TMEFF1: variants seen among roughly 807,000 people sequenced by gnomAD.
TMEFF1 encodes the protein transmembrane protein with EGF like and two follistatin like domains 1.
In TMEFF1, 20 loss-of-function variants were observed where a neutral mutation model predicts 47.5. That is an observed-to-expected ratio of 0.42 (90% confidence interval 0.30 to 0.61). TMEFF1 has a LOEUF of 0.61. Ranked by LOEUF, TMEFF1 falls within the 20% of genes least tolerant of loss-of-function variation. The pLI is 0.19. For synonymous variants in TMEFF1, 162 were observed against 166.3 expected, an observed-to-expected ratio of 0.97 and a Z score of 0.20; for missense variants, 411 against 471.1, an observed-to-expected ratio of 0.87 and a Z score of 1.18.
At position 100,492,897 on chromosome 9, in the gene TMEFF1, T is replaced by A. The variant is rs140098948; in HGVS notation, c.197-5868T>A. 9.2e-3 allele frequency among the ~76,000 whole-genome samples: 1,397 copies of A among 152,248 alleles called. 14 individuals carry two copies. The highest frequency in any genetic ancestry group is 0.015 in the Non-Finnish European group (1,016 of 68,004). On this transcript the variant is annotated intron_variant, in intron 1 of 9. Transcript: ENST00000374879. The stretch of plus-strand genomic sequence containing the variant: ...TGGGGGATTTAACATAAACTTGGAA[T>A]CAATATATTTAGGTTCCTCTACTGA...
At chr9:100,546,117 T>C (rs1419759092) in intron 5 of TMEFF1, among the ~76,000 whole-genome samples, 1 of 152,228 alleles carries the variant, frequency 6.6e-6, no homozygotes, top group Non-Finnish European at 1.5e-5. Flanking sequence ...CAAGTATCTT[T>C]TCGGCAGCAC....
At chr9:100,576,490 C>G (rs760911169) in intron 9 of TMEFF1, 26 bp from the exon 10 acceptor site, 1 of 1,601,916 alleles carries the variant, frequency 6.2e-7, no homozygotes, top group Non-Finnish European at 8.5e-7. Context: ...CAATATTTTT[C>G]TCTCTTTCTT....
chr9:100,473,859 C>A lies in TMEFF1; in HGVS notation c.196+119C>A. On this transcript the variant is annotated intron_variant, in intron 1 of 9. Transcript: ENST00000374879. This position sits in a 1 kb window ranked among gnomAD's most constrained non-coding sequence, Gnocchi z 5.4. ...GTCGTGGGGGTCCCAGGGGTGGGCCCGAGGGTGAGCGAGGGCGGAGGGCAG... is the reference window on the plus strand; with the variant it reads ...GTCGTGGGGGTCCCAGGGGTGGGCCAGAGGGTGAGCGAGGGCGGAGGGCAG... 4 of 1,186,704 alleles carry A rather than the reference C, an allele frequency of 3.4e-6. No individual in the cohort carries two copies. Among genetic ancestry groups the A allele is most frequent in the South Asian group, 4.3e-5 (2 of 46,966 alleles). The allele number at this position is 1,186,704 out of a possible 1,614,324, so 73.5% of individuals were successfully genotyped here. A position where few individuals can be genotyped will look rare whatever the true frequency, so the allele number is the denominator to read the frequency against.
intron 8 of TMEFF1, among the ~76,000 whole-genome samples, chr9:100,561,993 T>C (rs1401930132): frequency 6.6e-6 from 1 of 152,172 alleles, no homozygotes; most frequent in Non-Finnish European, 1.5e-5. Flanking sequence ...CCAGAGAGGT[T>C]ATGTAACTTG....
intron 1 of TMEFF1, among the ~76,000 whole-genome samples, chr9:100,478,681 A>T (rs1011184046): frequency 2.2e-4 from 33 of 152,050 alleles, no homozygotes; most frequent in African/African-American, 8.0e-4. Flanking sequence ...GTTCCCAGTT[A>T]TCCAAAGAGA....
chr9:100,566,128 A>G (rs539594197), intron 8 of TMEFF1, among the ~76,000 whole-genome samples: 2 of 152,074 alleles, frequency 1.3e-5, no homozygotes, highest in East Asian at 3.9e-4. Context: ...TTTTTTTCCT[A>G]CTTCGCTGGA....
chr9:100,570,236 A>C (rs1238462611), intron 8 of TMEFF1, among the ~76,000 whole-genome samples: 2 of 152,150 alleles, frequency 1.3e-5, no homozygotes, highest in Non-Finnish European at 2.9e-5. Flanking sequence ...TGCTGCAATA[A>C]ACGTGGTAGT....
chr9:100,571,339 TA>T (rs1210177628), intron 8 of TMEFF1, among the ~76,000 whole-genome samples: 1 of 146,808 alleles, frequency 6.8e-6, no homozygotes, highest in Non-Finnish European at 1.5e-5. Context: ...AAATTGAAAA[TA>T]ACTGACATGT....
chr9:100,535,492 T>C (rs1322166106), intron 5 of TMEFF1, among the ~76,000 whole-genome samples: 1 of 152,188 alleles, frequency 6.6e-6, no homozygotes. Flanking sequence ...CTAACGGGGC[T>C]GAATGTGGTG....
rs1316365800 is a variant in TMEFF1 at position 100,501,612 on chromosome 9, A to G, written c.306+2738A>G. Among the ~76,000 whole-genome samples, 53 of 152,066 alleles carry G rather than the reference A, an allele frequency of 3.5e-4. 1 individual carries two copies. The highest frequency in any genetic ancestry group is 3.5e-3 in the Admixed American group (53 of 15,254). On this transcript the variant is annotated intron_variant, in intron 2 of 9. Coordinates refer to ENST00000374879, the MANE Select transcript of TMEFF1 (RefSeq NM_003692.5). ...CATTAACTCATAAACTCTCAAGAGA[A>G]CCTGCTGCTTTGATTTATTTATTTA...
chr9:100,542,702 C>T (rs1014553537), intron 5 of TMEFF1, among the ~76,000 whole-genome samples: 28 of 152,144 alleles, frequency 1.8e-4, no homozygotes, highest in African/African-American at 6.8e-4. Flanking sequence ...TTCTTTTTCT[C>T]ATTATAAAAT....
intron 1 of TMEFF1, among the ~76,000 whole-genome samples, chr9:100,495,772 A>AACTCTAGCAC (rs1436030107): frequency 6.6e-6 from 1 of 152,172 alleles, no homozygotes; most frequent in East Asian, 1.9e-4. Flanking sequence ...ATGATATAGG[A>AACTCTAGCAC]CCTCTAGCAC....
At chr9:100,541,303 T>A (rs374757780) in intron 5 of TMEFF1, among the ~76,000 whole-genome samples, 14 of 152,036 alleles carry the variant, frequency 9.2e-5, no homozygotes, top group African/African-American at 3.4e-4. Flanking sequence ...TATGAGTTGC[T>A]GAGAGAGGTG....
intron 7 of TMEFF1, among the ~76,000 whole-genome samples, chr9:100,551,565 G>T (rs564215603): frequency 3.3e-5 from 5 of 152,310 alleles, no homozygotes; most frequent in African/African-American, 4.8e-5. Flanking sequence ...TTGGGGAATT[G>T]TGTGTTCTAA....
chr9:100,573,596 C>T (rs138426948), intron 9 of TMEFF1, among the ~76,000 whole-genome samples: 4 of 152,284 alleles, frequency 2.6e-5, no homozygotes, highest in Admixed American at 6.5e-5. Flanking sequence ...CATCATTTCT[C>T]CACTTCCCTG....
intron 7 of TMEFF1, among the ~76,000 whole-genome samples, chr9:100,556,726 G>A (rs1233178880): frequency 6.6e-6 from 1 of 152,122 alleles, no homozygotes; most frequent in African/African-American, 2.4e-5. Flanking sequence ...CTGAGTTTCT[G>A]AGCTCATTCA....
intron 5 of TMEFF1, among the ~76,000 whole-genome samples, chr9:100,532,210 G>T (rs1838397364): frequency 6.6e-6 from 1 of 151,758 alleles, no homozygotes; most frequent in Non-Finnish European, 1.5e-5. Context: ...AACACCAAAA[G>T]CAATGGCAAC....
In TMEFF1 at chr9:100,494,679, A is replaced by G. The variant is rs189547439; in HGVS notation, c.197-4086A>G. Among the ~76,000 whole-genome samples the G allele has an allele frequency of 1.5e-3, 224 of 152,296 alleles. 1 individual carries two copies. Among genetic ancestry groups the G allele is most frequent in the African/African-American group, 5.2e-3 (217 of 41,576 alleles). Reference sequence around the variant, plus strand: ...TGAACACAGAGCGAGGGAGGCCAAGAAATGTAGGTTATTTAGTTGGGTACT... The same window carrying G: ...TGAACACAGAGCGAGGGAGGCCAAGGAATGTAGGTTATTTAGTTGGGTACT... On this transcript the variant is annotated intron_variant, in intron 1 of 9. Coordinates refer to ENST00000374879, the MANE Select transcript of TMEFF1 (RefSeq NM_003692.5).
Position 100,572,102 on chromosome 9 carries a change from G to A in TMEFF1, c.900-416G>A, listed in dbSNP as rs1315307326. On this transcript the variant is annotated intron_variant, in intron 8 of 9. Coordinates refer to ENST00000374879, the MANE Select transcript of TMEFF1 (RefSeq NM_003692.5). The stretch of plus-strand genomic sequence containing the variant: ...ATATCTGTCCATGGCCCGGGAGTTG[G>A]GGGGGATCCCTGTTGTACATGATAA... Among the ~76,000 whole-genome samples the A allele has an allele frequency of 2.0e-5, 3 of 151,986 alleles. No homozygotes were observed. In the East Asian group the frequency reaches 5.8e-4, roughly 29 times the overall value.
Sources: gnomAD v4.1 joint callset for allele counts (sites outside exome capture counted in the v4.1 genomes callset) on GRCh38, gnomAD v4.1.1 for gene constraint, Gnocchi (gnomAD v3.1) non-coding constraint, MANE v1.5 for transcripts, NCBI Gene and HGNC (gene_info 2026-07-23, HGNC 2026-07-21) for gene names.